Variants in MRPL47 observed in about 807,000 individuals in gnomAD.
MRPL47 encodes the protein large ribosomal subunit protein uL29m.
In MRPL47, 31 loss-of-function variants were observed where a neutral mutation model predicts 34.0. That is an observed-to-expected ratio of 0.91 (90% CI 0.68 to 1.23). The LOEUF is 1.23. Among genes scored for constraint, MRPL47 ranks in the 50% most tolerant of loss-of-function variants. The probability of loss-of-function intolerance (pLI) is 0.00; values close to 1 mark genes in which losing one functional copy is unlikely to be tolerated. For synonymous variants in MRPL47, 106 were observed against 101.6 expected, an observed-to-expected ratio of 1.04 and a Z score of -0.26; for missense variants, 328 against 285.8, an observed-to-expected ratio of 1.15 and a Z score of -1.07.
chr3:179,601,468 C>T (rs536687855), intron 3 of MRPL47, among the ~76,000 whole-genome samples: 1 of 152,290 alleles, frequency 6.6e-6, no homozygotes, highest in East Asian at 1.9e-4. Context: ...ACTGAAATTG[C>T]TAGTATAAAC....
chr3:179,601,422 A>G (rs1390220326), intron 3 of MRPL47, among the ~76,000 whole-genome samples: 1 of 152,212 alleles, frequency 6.6e-6, no homozygotes, highest in Non-Finnish European at 1.5e-5. Context: ...AAAAAACAAA[A>G]GCCACCAACT....
chr3:179,601,617 C>T (rs1198512091), intron 3 of MRPL47, 113 bp downstream of exon 3: 2 of 689,938 alleles, frequency 2.9e-6, no homozygotes, highest in Admixed American at 2.7e-5. Context: ...ATCCATAGTA[C>T]TACAAAAGAA....
intron 4 of MRPL47, among the ~76,000 whole-genome samples, chr3:179,597,193 T>C (rs980211599): frequency 6.6e-6 from 1 of 152,086 alleles, no homozygotes; most frequent in African/African-American, 2.4e-5. Context: ...AAAATAAAGA[T>C]AAAAGAAAAA....
intron 1 of MRPL47, among the ~76,000 whole-genome samples, chr3:179,603,159 A>G (rs1044289082): frequency 1.3e-5 from 2 of 152,230 alleles, no homozygotes; most frequent in Non-Finnish European, 2.9e-5. Flanking sequence ...TAACATAGTT[A>G]CACAATTATA....
chr3:179,604,425 GGCCGTTCCATTCTT>G, intron 1 of MRPL47, 88 bp downstream of exon 1: 1 of 1,126,850 alleles, frequency 8.9e-7, no homozygotes, highest in East Asian at 2.4e-5. Context: ...CCATCCAGGC[GGCCGTTCCATTCTT>G]GAGTTGTTCT....
At chr3:179,604,323 G>C (rs974072963) in intron 1 of MRPL47, among the ~76,000 whole-genome samples, 1 of 152,198 alleles carries the variant, frequency 6.6e-6, no homozygotes, top group Non-Finnish European at 1.5e-5. Context: ...GTCCACAGCA[G>C]GCAGCAACAA....
At chr3:179,589,777 CAT>C (rs1718626848) in intron 6 of MRPL47, among the ~76,000 whole-genome samples, 1 of 151,988 alleles carries the variant, frequency 6.6e-6, no homozygotes, top group African/African-American at 2.4e-5. Flanking sequence ...AAAATATGCA[CAT>C]ATATAGGAAA....
At position 179,602,811 on chromosome 3, in the gene MRPL47, C is replaced by G; in HGVS notation, c.99-14G>C. The G allele has an allele frequency of 6.3e-7, 1 of 1,575,598 alleles. No homozygotes were observed. The highest frequency in any genetic ancestry group is 1.2e-5 in the South Asian group (1 of 82,810). On this transcript the variant is annotated splice_polypyrimidine_tract_variant and intron_variant, in intron 1 of 6. Coordinates refer to ENST00000476781, the MANE Select transcript of MRPL47 (RefSeq NM_020409.3). ...CTAAGAAAAAACCTGCAATTGAACA[C>G]ACATAAACAAGTAAAAGTTTTATAA...
chr3:179,604,427 C>G (rs1404366074), intron 1 of MRPL47, 100 bp downstream of exon 1: 5 of 1,173,018 alleles, frequency 4.3e-6, no homozygotes, highest in Non-Finnish European at 6.2e-6. Context: ...ATCCAGGCGG[C>G]CGTTCCATTC....
In MRPL47 at chr3:179,588,798, C is replaced by A; in HGVS notation, c.*74G>T. 2.9e-6 allele frequency: 4 copies of A among 1,389,568 alleles called. No homozygotes were observed. The highest frequency in any genetic ancestry group is 3.9e-6 in the Non-Finnish European group (4 of 1,024,766). The allele number at this position is 1,389,568 out of a possible 1,614,324, so 86.1% of individuals were successfully genotyped here. A position where few individuals can be genotyped will look rare whatever the true frequency, so the allele number is the denominator to read the frequency against. On this transcript the variant is annotated 3_prime_UTR_variant, in exon 7 of 7. Coordinates refer to ENST00000476781, the MANE Select transcript of MRPL47 (RefSeq NM_020409.3). The stretch of plus-strand genomic sequence containing the variant: ...ACTAAAAACAGAATTTCTTTATAAA[C>A]CACTTAACATATTTACTCCTGTACA...
At chr3:179,589,230 ATAT>A (rs1271690125) in intron 6 of MRPL47, among the ~76,000 whole-genome samples, 6 of 152,218 alleles carry the variant, frequency 3.9e-5, no homozygotes, top group Non-Finnish European at 7.3e-5. Flanking sequence ...GAATGTCCAG[ATAT>A]TATGAACCTG....
chr3:179,592,543 TA>T (rs1718699718), intron 6 of MRPL47, 100 bp downstream of exon 6: 2 of 711,038 alleles, frequency 2.8e-6, no homozygotes, highest in Middle Eastern at 3.2e-4. Context: ...AATTAAAATT[TA>T]AAGACAGCTT....
intron 6 of MRPL47, among the ~76,000 whole-genome samples, chr3:179,590,516 A>G (rs2108377773): frequency 6.6e-6 from 1 of 152,288 alleles, no homozygotes; most frequent in Non-Finnish European, 1.5e-5. Flanking sequence ...TAAAAGCTGT[A>G]GCAACAGAAG....
At chr3:179,601,453 A>C (rs1718923985) in intron 3 of MRPL47, among the ~76,000 whole-genome samples, 1 of 152,220 alleles carries the variant, frequency 6.6e-6, no homozygotes, top group Non-Finnish European at 1.5e-5. Flanking sequence ...TCATTTTATT[A>C]ATTAACTGAA....
At chr3:179,599,268 A>G (rs1718868633) in intron 3 of MRPL47, among the ~76,000 whole-genome samples, 1 of 152,216 alleles carries the variant, frequency 6.6e-6, no homozygotes, top group South Asian at 2.1e-4. Context: ...CATGTGTTCA[A>G]TAAACCTTCC....
intron 1 of MRPL47, among the ~76,000 whole-genome samples, 169 bp downstream of exon 1, chr3:179,604,358 G>A (rs1719006527): frequency 6.6e-6 from 1 of 152,214 alleles, no homozygotes; most frequent in South Asian, 2.1e-4. Flanking sequence ...AGAAATGTCG[G>A]AGGTGAGCGA....
chr3:179,604,581 G>A lies in MRPL47; in HGVS notation c.44C>T (p.Ser15Phe). Residue 15 changes from serine (S) to phenylalanine (F), a missense_variant, in exon 1 of 7, where the codon TCC becomes TTC. Coordinates refer to ENST00000476781, the MANE Select transcript of MRPL47 (RefSeq NM_020409.3). ...TAACGATCGGGAAGATTTCAGGGCG[G>A]ATGAAACTCTCCTACAAAGAAGGGC... is the stretch of plus-strand genomic sequence containing the variant. ...GLALLCRRVS[S>F]ALKSSRSLIT... 1 of 1,614,180 alleles carries A rather than the reference G, an allele frequency of 6.2e-7. No individual in the cohort carries two copies. Among genetic ancestry groups the A allele is most frequent in the Non-Finnish European group, 8.5e-7 (1 of 1,179,994 alleles).
chr3:179,593,684 T>C lies in MRPL47; in HGVS notation c.533+81A>G. 2.9e-6 allele frequency: 4 copies of C among 1,365,622 alleles called. No individual in the cohort carries two copies. In the South Asian group the frequency reaches 6.5e-5, roughly 22 times the overall value. The allele number at this position is 1,365,622 out of a possible 1,614,324, so 84.6% of individuals were successfully genotyped here. A position where few individuals can be genotyped will look rare whatever the true frequency, so the allele number is the denominator to read the frequency against. ...ATATTATCTCATATGGTACAAATTT[T>C]TTTTTAAAAGATATTGGGCAGGGGA... is the stretch of plus-strand genomic sequence containing the variant. On this transcript the variant is annotated intron_variant, in intron 5 of 6. Transcript: ENST00000476781.
chr3:179,602,031 C>T (rs1007664469), intron 2 of MRPL47, among the ~76,000 whole-genome samples: 3 of 152,086 alleles, frequency 2.0e-5, no homozygotes, highest in African/African-American at 7.2e-5. Flanking sequence ...ATTTTCACAC[C>T]CTAATGACAA....
Sources: allele counts gnomAD v4.1 joint callset (sites outside exome capture counted in the v4.1 genomes callset), GRCh38; gene constraint gnomAD v4.1.1; transcripts MANE v1.5; gene names NCBI Gene and HGNC (gene_info 2026-07-23, HGNC 2026-07-21).